Variants in DPP6 observed in about 807,000 individuals in gnomAD.
DPP6 encodes the protein A-type potassium channel modulatory protein DPP6.
In DPP6, 69 loss-of-function variants were observed where a neutral mutation model predicts 122.6. That is an observed-to-expected ratio of 0.56 (90% CI 0.46 to 0.69). The LOEUF is 0.69. DPP6 is among the 30% of genes least tolerant of loss of function. The pLI is 0.00. For missense variants in DPP6, 928 were observed against 1,116.9 expected (o/e 0.83, Z 2.41); for synonymous variants, 418 against 433.1 (o/e 0.97, Z 0.43).
intron 10 of DPP6, among the ~76,000 whole-genome samples, chr7:154,784,397 C>T (rs535922799): frequency 2.6e-5 from 4 of 152,244 alleles, no homozygotes; most frequent in Admixed American, 6.5e-5. Context: ...AAGCAAAGCC[C>T]GCAGAGAGCT....
intron 8 of DPP6, among the ~76,000 whole-genome samples, chr7:154,749,853 G>A (rs1219174455): frequency 1.5e-5 from 2 of 133,684 alleles, no homozygotes; most frequent in Non-Finnish European, 3.2e-5. Context: ...GGACGGGAAA[G>A]AGAGGGATGG....
intron 1 of DPP6, among the ~76,000 whole-genome samples, chr7:153,923,659 G>C (rs1800748841): frequency 6.7e-6 from 1 of 150,334 alleles, no homozygotes; most frequent in Non-Finnish European, 1.5e-5. Context: ...TACTTGGGAG[G>C]CTGAGGCAGA....
chr7:154,879,482 C>T lies in DPP6; in HGVS notation c.2079-1406C>T, dbSNP rs1225104494. ...GCGGGCACCTGTAGTCCCAGCTACT[C>T]GGGAGGCTGAGGCAGGAGAATGGCG... is the stretch of plus-strand genomic sequence containing the variant. On this transcript the variant is annotated intron_variant, in intron 20 of 25. Transcript: ENST00000377770. Among the ~76,000 whole-genome samples the T allele has an allele frequency of 3.1e-5, 4 of 129,346 alleles. 1 individual carries two copies. Among genetic ancestry groups the T allele is most frequent in the South Asian group, 2.6e-4 (1 of 3,866 alleles). 84.9% of individuals were successfully genotyped at this position (129,346 alleles called of 152,430 possible).
intron 1 of DPP6, among the ~76,000 whole-genome samples, chr7:154,137,650 T>TGGGGGGGGGGGGGG (rs1419049474): frequency 9.9e-5 from 1 of 10,064 alleles, no homozygotes; most frequent in Non-Finnish European, 2.1e-4. Flanking sequence ...GTGGGGGGGG[T>TGGGGGGGGGGGGGG]GGGGGGGTGG....
rs1799774356 is a variant in DPP6 at position 154,821,643 on chromosome 7, T to TAC, written c.1666+14532_1666+14533insCA. Among the ~76,000 whole-genome samples, 1 of 86,504 alleles carries TAC rather than the reference T, an allele frequency of 1.2e-5. No homozygotes were observed. The highest frequency in any genetic ancestry group is 2.1e-5 in the Non-Finnish European group (1 of 46,654). The allele number at this position is 86,504 out of a possible 152,430, so 56.7% of individuals were successfully genotyped here. A position where few individuals can be genotyped will look rare whatever the true frequency, so the allele number is the denominator to read the frequency against. ...TTTTTTTTCTGTATATATATATATA[T>TAC]ATACACATATATATATATATACACA... On this transcript the variant is annotated intron_variant, in intron 16 of 25. Transcript: ENST00000377770. The surrounding 1 kb of genome is among the most constrained non-coding windows in gnomAD (Gnocchi z 4.2).
chr7:153,928,528 C>T (rs1285029100), intron 1 of DPP6, among the ~76,000 whole-genome samples: 1 of 149,140 alleles, frequency 6.7e-6, no homozygotes, highest in Non-Finnish European at 1.5e-5. Flanking sequence ...AGGTGGGAGC[C>T]ATTGCGCCCA....
intron 1 of DPP6, among the ~76,000 whole-genome samples, chr7:154,394,363 A>G (rs563747600): frequency 6.6e-6 from 1 of 152,204 alleles, no homozygotes; most frequent in East Asian, 1.9e-4. Flanking sequence ...ATCATTTCAT[A>G]TGCTATTTGG....
intron 5 of DPP6, among the ~76,000 whole-genome samples, chr7:154,635,082 A>G (rs1835654867): frequency 6.6e-6 from 1 of 152,202 alleles, no homozygotes; most frequent in African/African-American, 2.4e-5. Flanking sequence ...GGCAATTTCC[A>G]AGGGATTGTT....
At chr7:154,858,016 C>T (rs1182259985) in intron 17 of DPP6, among the ~76,000 whole-genome samples, 1 of 152,186 alleles carries the variant, frequency 6.6e-6, no homozygotes, top group African/African-American at 2.4e-5. Context: ...CTGCAAAACC[C>T]CACACCACTT....
the DPP6 span, among the ~76,000 whole-genome samples, chr7:153,834,713 C>A: frequency 6.6e-6 from 1 of 152,144 alleles, no homozygotes; most frequent in East Asian, 1.9e-4. Context: ...TATTAGCAAG[C>A]TGCATTTGCT....
At chr7:154,333,253 C>CT (rs34165810) in intron 1 of DPP6, among the ~76,000 whole-genome samples, 28,410 of 149,012 alleles carry the variant, frequency 0.19, 3,138 homozygotes, top group African/African-American at 0.3. Context: ...TTTCTCAGGG[C>CT]TTTTTTTTTT....
chr7:153,803,044 A>G, the DPP6 span, among the ~76,000 whole-genome samples: 11 of 151,208 alleles, frequency 7.3e-5, no homozygotes, highest in Non-Finnish European at 5.9e-5. Context: ...CTGTGAGAGC[A>G]TGGTCTCTCA....
chr7:154,352,899 ATTTG>A (rs1563531058), intron 1 of DPP6, among the ~76,000 whole-genome samples: 2 of 152,188 alleles, frequency 1.3e-5, no homozygotes, highest in Admixed American at 6.5e-5. Flanking sequence ...GCATGCTTTA[ATTTG>A]TTTGTTTTTA....
At chr7:154,130,406 C>A (rs1381141220) in intron 1 of DPP6, among the ~76,000 whole-genome samples, 2 of 152,146 alleles carry the variant, frequency 1.3e-5, no homozygotes, top group African/African-American at 4.8e-5. Context: ...GTTTCCTCAT[C>A]TGTAGGATTA....
At chr7:153,773,624 AG>A in the DPP6 span, among the ~76,000 whole-genome samples, 1 of 150,702 alleles carries the variant, frequency 6.6e-6, no homozygotes, top group African/African-American at 2.4e-5. Flanking sequence ...CATGTCAAAA[AG>A]TTTCAAGGAA....
At chr7:154,319,059 G>A (rs967785857) in intron 1 of DPP6, among the ~76,000 whole-genome samples, 1 of 152,138 alleles carries the variant, frequency 6.6e-6, no homozygotes, top group African/African-American at 2.4e-5. Context: ...GGAGGTGTCT[G>A]CCATGTCAGG....
rs1489811189 is a variant in DPP6, at chr7:153,920,561, C to CTTTTTTTTTTTTTTTTTTTTTTTT, written c.51+32828_51+32829insTTTTTTTTTTTTTTTTTTTTTTTT. Reference sequence around the variant, plus strand: ...TAGTCAACCTTTTTCTTTTATCTCTCTCTTTTTTTTTTTTTTTTTGAGATG... The same window carrying CTTTTTTTTTTTTTTTTTTTTTTTT: ...TAGTCAACCTTTTTCTTTTATCTCTCTTTTTTTTTTTTTTTTTTTTTTTTTCTTTTTTTTTTTTTTTTTGAGATG... On this transcript the variant is annotated intron_variant, in intron 1 of 25. Transcript: ENST00000404039. Among the ~76,000 whole-genome samples the CTTTTTTTTTTTTTTTTTTTTTTTT allele has an allele frequency of 3.2e-5, 2 of 62,458 alleles. 1 individual carries two copies. 41.0% of individuals were successfully genotyped at this position (62,458 alleles called of 152,430 possible).
chr7:154,733,313 G>A (rs1472517630), intron 8 of DPP6, among the ~76,000 whole-genome samples: 1 of 152,252 alleles, frequency 6.6e-6, no homozygotes, highest in Non-Finnish European at 1.5e-5. Context: ...TGTACAAGGA[G>A]CAGAGCCTTT....
chr7:154,337,984 C>T (rs1401793427), intron 1 of DPP6, among the ~76,000 whole-genome samples: 3 of 152,202 alleles, frequency 2.0e-5, no homozygotes, highest in Non-Finnish European at 4.4e-5. Flanking sequence ...GACTCCAGCC[C>T]CTCCTCCGTT....
Sources: gnomAD v4.1 joint callset for allele counts (sites outside exome capture counted in the v4.1 genomes callset) on GRCh38, gnomAD v4.1.1 for gene constraint, Gnocchi (gnomAD v3.1) non-coding constraint, MANE v1.5 for transcripts, NCBI Gene and HGNC (gene_info 2026-07-23, HGNC 2026-07-21) for gene names.